Variants in CNTNAP2 observed in about 807,000 individuals in gnomAD.
CNTNAP2 encodes the protein contactin associated protein 2, also known as contactin-associated protein-like 2.
A neutral mutation model predicts 155.2 loss-of-function variants in CNTNAP2; 98 were observed. The observed-to-expected ratio is 0.63, with a 90% CI of 0.54 to 0.75. The LOEUF (loss-of-function observed/expected upper bound fraction) is 0.75, where lower values mean the gene tolerates loss of function less well. Among genes scored for constraint, CNTNAP2 ranks in the 30% least tolerant of loss-of-function variants. The pLI is 0.00. For missense variants in CNTNAP2, 1,727 were observed against 1,688.1 expected (o/e 1.02, Z -0.40); for synonymous variants, 651 against 631.2 (o/e 1.03, Z -0.47).
chr7:146,618,553 G>A (rs1231108470), intron 1 of CNTNAP2, among the ~76,000 whole-genome samples: 1 of 152,014 alleles, frequency 6.6e-6, no homozygotes, highest in African/African-American at 2.4e-5. Flanking sequence ...AAAATCCAAA[G>A]GACAATTGAC....
At chr7:148,146,943 A>G (rs1805193627) in intron 16 of CNTNAP2, among the ~76,000 whole-genome samples, 1 of 152,204 alleles carries the variant, frequency 6.6e-6, no homozygotes, top group Non-Finnish European at 1.5e-5. Flanking sequence ...CTATGTGTTA[A>G]CATTTCCTGG....
chr7:147,560,860 A>G (rs1800049780), intron 11 of CNTNAP2, among the ~76,000 whole-genome samples: 1 of 150,108 alleles, frequency 6.7e-6, no homozygotes, highest in Admixed American at 6.7e-5. Context: ...ATCCTTGGAA[A>G]GAGGAAGGCA....
At chr7:147,958,632 C>A (rs1044318615) in intron 14 of CNTNAP2, among the ~76,000 whole-genome samples, 11 of 152,144 alleles carry the variant, frequency 7.2e-5, no homozygotes, top group African/African-American at 2.7e-4. Context: ...TATAACTGAA[C>A]TATTACAGAT....
chr7:146,516,874 C>T (rs139670980), intron 1 of CNTNAP2, among the ~76,000 whole-genome samples: 114 of 152,102 alleles, frequency 7.5e-4, no homozygotes, highest in African/African-American at 2.6e-3. Context: ...TTCGCAAAAT[C>T]TTTCTTGCAG....
intron 14 of CNTNAP2, among the ~76,000 whole-genome samples, chr7:147,946,764 G>C (rs1016197852): frequency 1.3e-5 from 2 of 152,118 alleles, no homozygotes; most frequent in Admixed American, 6.5e-5. Context: ...TTACAAAGAA[G>C]CATGTTGAAT....
intron 11 of CNTNAP2, among the ~76,000 whole-genome samples, chr7:147,517,242 G>T (rs1480604527): frequency 6.6e-6 from 1 of 152,080 alleles, no homozygotes; most frequent in Non-Finnish European, 1.5e-5. Context: ...TGTGAAATGG[G>T]ATCTGATGCT....
chr7:146,898,405 A>G (rs868022380), intron 3 of CNTNAP2, among the ~76,000 whole-genome samples: 2 of 152,048 alleles, frequency 1.3e-5, no homozygotes, highest in South Asian at 4.1e-4. Flanking sequence ...TTCTCAAAAT[A>G]CAGAATTTTC....
chr7:148,041,768 G>T (rs1225936556), intron 15 of CNTNAP2, among the ~76,000 whole-genome samples: 2 of 152,080 alleles, frequency 1.3e-5, no homozygotes, highest in Non-Finnish European at 2.9e-5. Context: ...TCACACCTTA[G>T]TCAACAAGCA....
At chr7:148,276,167 A>T (rs1796867400) in intron 21 of CNTNAP2, among the ~76,000 whole-genome samples, 1 of 152,168 alleles carries the variant, frequency 6.6e-6, no homozygotes, top group East Asian at 1.9e-4. Context: ...TTACTCTAAA[A>T]ATAGGACTAC....
chr7:148,118,882 G>A (rs1354091777), intron 16 of CNTNAP2, among the ~76,000 whole-genome samples: 1 of 152,216 alleles, frequency 6.6e-6, no homozygotes, highest in African/African-American at 2.4e-5. Context: ...AAGAGAGGAT[G>A]CTGCTTAGCT....
intron 1 of CNTNAP2, among the ~76,000 whole-genome samples, chr7:146,117,812 G>A (rs1041963986): frequency 6.6e-6 from 1 of 152,082 alleles, no homozygotes; most frequent in East Asian, 1.9e-4. Flanking sequence ...TACTGTGCAT[G>A]TAGAGAGGAA....
intron 11 of CNTNAP2, among the ~76,000 whole-genome samples, chr7:147,557,268 GA>G (rs1202278593): frequency 4.1e-5 from 6 of 145,348 alleles, no homozygotes; most frequent in South Asian, 2.2e-4. Context: ...CATCTCAAAA[GA>G]AAAAAAAAAG....
chr7:147,752,486 G>A (rs1797151593), intron 13 of CNTNAP2, among the ~76,000 whole-genome samples: 1 of 152,168 alleles, frequency 6.6e-6, no homozygotes. Flanking sequence ...CATTCAACCA[G>A]GAGCCTGGTC....
chr7:146,677,976 CTGAGCTATTT>C (rs1563184567), intron 1 of CNTNAP2, among the ~76,000 whole-genome samples: 1 of 152,054 alleles, frequency 6.6e-6, no homozygotes, highest in African/African-American at 2.4e-5. Flanking sequence ...TCATGCTATT[CTGAGCTATTT>C]TACTTTTCTC....
intron 8 of CNTNAP2, among the ~76,000 whole-genome samples, chr7:147,171,234 C>T (rs1013246289): frequency 5.9e-5 from 9 of 152,208 alleles, no homozygotes; most frequent in Non-Finnish European, 1.3e-4. Context: ...GCACCTCCCA[C>T]AGGGCTTCCA....
At chr7:147,062,910 G>A (rs1799710323) in intron 4 of CNTNAP2, among the ~76,000 whole-genome samples, 1 of 152,188 alleles carries the variant, frequency 6.6e-6, no homozygotes, top group African/African-American at 2.4e-5. Context: ...TTTTCCAGAA[G>A]GAGTTGCCTT....
At chr7:146,137,928 T>G (rs938267467) in intron 1 of CNTNAP2, among the ~76,000 whole-genome samples, 8 of 152,012 alleles carry the variant, frequency 5.3e-5, no homozygotes, top group African/African-American at 1.9e-4. Context: ...GTCATCTAGT[T>G]ACTTCTTAAT....
intron 15 of CNTNAP2, among the ~76,000 whole-genome samples, chr7:148,088,891 T>C (rs1803787714): frequency 6.6e-6 from 1 of 151,944 alleles, no homozygotes; most frequent in Non-Finnish European, 1.5e-5. Context: ...CTAATGAATA[T>C]AGATGCAAAA....
At chr7:147,350,541 T>C (rs1465689304) in intron 9 of CNTNAP2, among the ~76,000 whole-genome samples, 8 of 151,898 alleles carry the variant, frequency 5.3e-5, no homozygotes, top group African/African-American at 1.9e-4. Context: ...TAATTGAACA[T>C]TAAAATTCTT....
Sources: allele counts gnomAD v4.1 joint callset (sites outside exome capture counted in the v4.1 genomes callset), GRCh38; gene constraint gnomAD v4.1.1; transcripts MANE v1.5; gene names NCBI Gene and HGNC (gene_info 2026-07-23, HGNC 2026-07-21).